CDH4: variants seen among roughly 807,000 people sequenced by gnomAD.
CDH4 encodes the protein cadherin 4.
In CDH4, 33 loss-of-function variants were observed where a neutral mutation model predicts 86.0. The observed-to-expected ratio is 0.38, with a 90% CI of 0.29 to 0.51. The LOEUF is 0.51. CDH4 is among the 20% of genes least tolerant of loss of function. The pLI is 0.86. For missense variants in CDH4, 1,114 were observed against 1,307.4 expected (o/e 0.85, Z 2.28); for synonymous variants, 555 against 549.4 (o/e 1.01, Z -0.14).
At chr20:61,889,813 A>G (rs1220089017) in intron 7 of CDH4, among the ~76,000 whole-genome samples, 2 of 147,010 alleles carry the variant, frequency 1.4e-5, no homozygotes, top group African/African-American at 2.5e-5. Flanking sequence ...TGGATGATGG[A>G]TGGGTGGATG....
chr20:61,696,254 T>C lies in CDH4; in HGVS notation c.170-47309T>C, dbSNP rs1040511058. On this transcript the variant is annotated intron_variant, in intron 2 of 15. Transcript: ENST00000614565. ...CCCCCCACAAACCAACAAGGCCGACTCGGGCACAGAAGGAAGCTCCGAGGC... is the reference window on the plus strand; with the variant it reads ...CCCCCCACAAACCAACAAGGCCGACCCGGGCACAGAAGGAAGCTCCGAGGC... Among the ~76,000 whole-genome samples, 4 of 152,200 alleles carry C rather than the reference T, an allele frequency of 2.6e-5. No homozygotes were observed. In the South Asian group the frequency reaches 8.3e-4, roughly 32 times the overall value.
chr20:61,690,513 C>T (rs73915329), intron 2 of CDH4, among the ~76,000 whole-genome samples: 1,832 of 152,202 alleles, frequency 0.012, 35 homozygotes, highest in African/African-American at 0.038. Flanking sequence ...TGGACCCAAT[C>T]GGCTGCCCAC....
At chr20:61,915,829 C>T (rs908748835) in intron 9 of CDH4, among the ~76,000 whole-genome samples, 5 of 152,136 alleles carry the variant, frequency 3.3e-5, no homozygotes, top group South Asian at 4.1e-4. Context: ...GCCGTGCTTC[C>T]GTACACTTGT....
intron 2 of CDH4, among the ~76,000 whole-genome samples, chr20:61,628,975 C>T (rs2086857698): frequency 6.6e-6 from 1 of 152,238 alleles, no homozygotes; most frequent in African/African-American, 2.4e-5. Context: ...TTGATAAATG[C>T]TTAATGAGCG....
intron 2 of CDH4, among the ~76,000 whole-genome samples, chr20:61,573,650 C>T (rs939758498): frequency 6.6e-6 from 1 of 152,138 alleles, no homozygotes; most frequent in South Asian, 2.1e-4. Flanking sequence ...CCTGATGTTC[C>T]GCTGAGCAGC....
intron 2 of CDH4, chr20:61,499,483 T>G: frequency 7.8e-7 from 1 of 1,289,152 alleles, no homozygotes; most frequent in Non-Finnish European, 1.0e-6. Flanking sequence ...TCTACCCTGC[T>G]TTAAAGAAGG....
intron 5 of CDH4, among the ~76,000 whole-genome samples, chr20:61,850,423 GT>G (rs1189391644): frequency 2.0e-5 from 3 of 152,150 alleles, no homozygotes; most frequent in Non-Finnish European, 4.4e-5. Context: ...CTCATGGACT[GT>G]TCCCAGTTCC....
intron 2 of CDH4, among the ~76,000 whole-genome samples, chr20:61,394,050 C>G (rs578154532): frequency 6.6e-6 from 1 of 152,254 alleles, no homozygotes; most frequent in Admixed American, 6.5e-5. Context: ...TATTATTCAT[C>G]GAGAACTATG....
intron 8 of CDH4, among the ~76,000 whole-genome samples, chr20:61,898,997 TG>T (rs1421352013): frequency 1.3e-5 from 2 of 152,126 alleles, no homozygotes; most frequent in Non-Finnish European, 2.9e-5. Flanking sequence ...TTTCCCCAGC[TG>T]TTAAAAGAAG....
rs535169122 is a variant in CDH4 at position 61,345,592 on chromosome 20, C to G, written c.169+90655C>G. 2.6e-5 allele frequency among the ~76,000 whole-genome samples: 4 copies of G among 152,340 alleles called. No individual in the cohort carries two copies. The East Asian group carries it at 7.7e-4, about 29-fold the overall frequency. ...CCTACCTGGGACACTCCTCACGATG[C>G]CTTCATCTTATTAGACAAGGAAATG... is the stretch of plus-strand genomic sequence containing the variant. On this transcript the variant is annotated intron_variant, in intron 2 of 15. Coordinates refer to ENST00000614565, the MANE Select transcript of CDH4 (RefSeq NM_001794.5).
intron 2 of CDH4, among the ~76,000 whole-genome samples, chr20:61,580,316 G>T (rs567516157): frequency 6.6e-6 from 1 of 152,168 alleles, no homozygotes; most frequent in South Asian, 2.1e-4. Context: ...TTAGCCAGGC[G>T]TGGTGGTGCA....
chr20:61,364,732 A>G (rs2084802053), intron 2 of CDH4, among the ~76,000 whole-genome samples: 2 of 152,244 alleles, frequency 1.3e-5, no homozygotes, highest in Non-Finnish European at 1.5e-5. Context: ...GTGGATGAAC[A>G]TTAAAAGTAG....
intron 2 of CDH4, among the ~76,000 whole-genome samples, chr20:61,634,904 T>C (rs771321001): frequency 6.6e-6 from 1 of 152,222 alleles, no homozygotes; most frequent in Non-Finnish European, 1.5e-5. Context: ...AACCTTATAA[T>C]AATTGCCCTC....
Position 61,392,205 on chromosome 20 carries a change from G to A in CDH4, c.169+137268G>A, listed in dbSNP as rs997757511. 6.6e-6 allele frequency among the ~76,000 whole-genome samples: 1 copy of A among 151,730 alleles called. No individual in the cohort carries two copies. Among genetic ancestry groups the A allele is most frequent in the Non-Finnish European group, 1.5e-5 (1 of 67,960 alleles). ...CTCCTCCAGTGGTTTAACGTGCAGT[G>A]TGAGTGGCCTTAACACGGGACCCGG... On this transcript the variant is annotated intron_variant, in intron 2 of 15. Coordinates refer to ENST00000614565, the MANE Select transcript of CDH4 (RefSeq NM_001794.5). The surrounding 1 kb of genome is among the most constrained non-coding windows in gnomAD (Gnocchi z 5.7).
At chr20:61,832,726 C>T (rs917380331) in intron 4 of CDH4, among the ~76,000 whole-genome samples, 2 of 152,150 alleles carry the variant, frequency 1.3e-5, no homozygotes, top group Non-Finnish European at 2.9e-5. Context: ...CCAGGTCTCC[C>T]TCTCAACACC....
intron 2 of CDH4, among the ~76,000 whole-genome samples, chr20:61,598,317 C>T (rs2086571404): frequency 6.6e-6 from 1 of 152,046 alleles, no homozygotes; most frequent in South Asian, 2.1e-4. Context: ...CAGCCCCTGC[C>T]ACCCCTGCTC....
intron 10 of CDH4, 55 bp from the exon 11 acceptor site, chr20:61,924,279 G>A: frequency 6.4e-7 from 1 of 1,558,790 alleles, no homozygotes; most frequent in African/African-American, 1.3e-5. Flanking sequence ...CTGGGATCCA[G>A]GGCAGCCCCG....
At chr20:61,693,851 C>T (rs1384356229) in intron 2 of CDH4, among the ~76,000 whole-genome samples, 1 of 150,400 alleles carries the variant, frequency 6.6e-6, no homozygotes, top group Non-Finnish European at 1.5e-5. Flanking sequence ...AGTCACCTTC[C>T]TACTGAAAAC....
At chr20:61,876,046 C>T (rs554232619) in intron 7 of CDH4, among the ~76,000 whole-genome samples, 6 of 152,328 alleles carry the variant, frequency 3.9e-5, no homozygotes, top group South Asian at 2.1e-4. Flanking sequence ...GGAGCGTGTG[C>T]GTGCAAGCCC....
Sources: gnomAD v4.1 joint callset for allele counts (sites outside exome capture counted in the v4.1 genomes callset) on GRCh38, gnomAD v4.1.1 for gene constraint, Gnocchi (gnomAD v3.1) non-coding constraint, MANE v1.5 for transcripts, NCBI Gene and HGNC (gene_info 2026-07-23, HGNC 2026-07-21) for gene names.